The following CNOT6 variants were observed in gnomAD, a reference collection of about 807,000 sequenced individuals.
CNOT6 encodes the protein CCR4-NOT transcription complex subunit 6.
In CNOT6, 12 loss-of-function variants were observed where a neutral mutation model predicts 61.2. The ratio of observed to expected loss-of-function variants is 0.20; its 90% CI spans 0.13 to 0.32. CNOT6 has a LOEUF of 0.32. CNOT6 is among the 10% of genes least tolerant of loss of function. The probability of loss-of-function intolerance (pLI) is 1.00; values close to 1 mark genes in which losing one functional copy is unlikely to be tolerated. For synonymous variants in CNOT6, 225 were observed against 240.6 expected (o/e 0.94, Z 0.60); for missense variants, 405 against 663.9 (o/e 0.61, Z 4.28).
At chr5:180,520,849 T>C (rs1757851142) in intron 1 of CNOT6, among the ~76,000 whole-genome samples, 1 of 149,906 alleles carries the variant, frequency 6.7e-6, no homozygotes, top group South Asian at 2.1e-4. Context: ...TATTTTATTA[T>C]TTTTTTTTTT....
chr5:180,506,800 G>A (rs902573424), intron 1 of CNOT6, among the ~76,000 whole-genome samples: 1 of 152,076 alleles, frequency 6.6e-6, no homozygotes, highest in African/African-American at 2.4e-5. Context: ...TGCACTCTTA[G>A]AAAATGTTTG....
intron 4 of CNOT6, among the ~76,000 whole-genome samples, chr5:180,554,726 A>G (rs755655374): frequency 6.6e-6 from 1 of 152,200 alleles, no homozygotes; most frequent in African/African-American, 2.4e-5. Context: ...TGAAGAACAG[A>G]AAAGTACTGT....
At chr5:180,502,294 CTCTT>C (rs1240888073) in intron 1 of CNOT6, among the ~76,000 whole-genome samples, 20 of 152,264 alleles carry the variant, frequency 1.3e-4, no homozygotes, top group African/African-American at 4.8e-4. Context: ...ATAAAAAAAA[CTCTT>C]TCTCATTAGC....
chr5:180,534,464 G>A lies in CNOT6; in HGVS notation c.112+5076G>A, dbSNP rs142094564. On this transcript the variant is annotated intron_variant, in intron 2 of 11. Coordinates refer to ENST00000261951, the MANE Select transcript of CNOT6 (RefSeq NM_001370472.1). The stretch of plus-strand genomic sequence containing the variant: ...GCAGATCACACACGTAGCTGACAAA[G>A]TAGCAGCAAGTATCATTTCAGCCAC... 425 of 159,168 alleles carry A rather than the reference G, an allele frequency of 2.7e-3. 3 individuals carry two copies. Among genetic ancestry groups the A allele is most frequent in the African/African-American group, 9.9e-3 (412 of 41,818 alleles). 9.9% of individuals were successfully genotyped at this position (159,168 alleles called of 1,614,324 possible). A position where few individuals can be genotyped will look rare whatever the true frequency, so the allele number is the denominator to read the frequency against.
chr5:180,510,854 G>C lies in CNOT6; in HGVS notation c.-3+16091G>C, dbSNP rs145519904. On this transcript the variant is annotated intron_variant, in intron 1 of 11. Coordinates refer to ENST00000261951, the MANE Select transcript of CNOT6 (RefSeq NM_001370472.1). ...AGTCTCGCTCTCGTCACCCAGGCTG[G>C]AATGCAGTGGTGCCATCTCAGCTTA... Among the ~76,000 whole-genome samples the C allele has an allele frequency of 5.3e-3, 812 of 152,146 alleles. 3 individuals carry two copies. The highest frequency in any genetic ancestry group is 0.024 in the Middle Eastern group (7 of 294).
intron 2 of CNOT6, among the ~76,000 whole-genome samples, chr5:180,544,260 G>A (rs1451525945): frequency 6.6e-6 from 1 of 152,200 alleles, no homozygotes; most frequent in Admixed American, 6.5e-5. Flanking sequence ...TACCAGCATG[G>A]TGGATACTGA....
chr5:180,558,231 G>A (rs996213680), intron 4 of CNOT6, among the ~76,000 whole-genome samples: 41 of 152,142 alleles, frequency 2.7e-4, no homozygotes, highest in Non-Finnish European at 2.2e-4. Context: ...TCCACAGAGA[G>A]GAGAAAAGAA....
chr5:180,544,274 T>C (rs944172265), intron 2 of CNOT6, among the ~76,000 whole-genome samples: 11 of 152,220 alleles, frequency 7.2e-5, no homozygotes, highest in African/African-American at 2.7e-4. Context: ...ATACTGAAAA[T>C]TGACTGAATA....
chr5:180,510,096 T>G (rs1757316233), intron 1 of CNOT6, among the ~76,000 whole-genome samples: 1 of 146,038 alleles, frequency 6.8e-6, no homozygotes, highest in Non-Finnish European at 1.5e-5. Context: ...CATTTGCCAC[T>G]AAGGACAGCT....
intron 2 of CNOT6, among the ~76,000 whole-genome samples, chr5:180,547,171 A>T (rs1759354381): frequency 6.6e-6 from 1 of 152,026 alleles, no homozygotes; most frequent in South Asian, 2.1e-4. Context: ...CATTTTTGGA[A>T]GCTATTTTTG....
At chr5:180,570,621 C>T (rs1375533534) in intron 10 of CNOT6, among the ~76,000 whole-genome samples, 2 of 152,142 alleles carry the variant, frequency 1.3e-5, no homozygotes, top group African/African-American at 4.8e-5. Flanking sequence ...TTGAGAAATA[C>T]AGTATTATAA....
intron 3 of CNOT6, among the ~76,000 whole-genome samples, chr5:180,552,487 A>C (rs1759664150): frequency 6.7e-6 from 1 of 148,642 alleles, no homozygotes; most frequent in South Asian, 2.1e-4. Flanking sequence ...TAAAAATACA[A>C]AAAAAAAAAT....
chr5:180,558,455 C>G (rs1202261500), intron 4 of CNOT6, among the ~76,000 whole-genome samples: 1 of 150,448 alleles, frequency 6.6e-6, no homozygotes, highest in East Asian at 1.9e-4. Flanking sequence ...GGCCTGGTAT[C>G]TAGTGCTTTC....
In CNOT6 at chr5:180,576,471, T is replaced by C. The variant is rs1289851245; in HGVS notation, c.*2271T>C. The stretch of plus-strand genomic sequence containing the variant: ...AAAATGTCTTCATCTGTATTTGTTA[T>C]TGTCTACAATATATTTGAATTTGGG... On this transcript the variant is annotated 3_prime_UTR_variant, in exon 12 of 12. Transcript: ENST00000261951. 2.6e-5 allele frequency: 4 copies of C among 152,688 alleles called. No homozygotes were observed. The highest frequency in any genetic ancestry group is 9.6e-5 in the African/African-American group (4 of 41,476). 9.5% of individuals were successfully genotyped at this position (152,688 alleles called of 1,614,324 possible). A position where few individuals can be genotyped will look rare whatever the true frequency, so the allele number is the denominator to read the frequency against.
intron 2 of CNOT6, among the ~76,000 whole-genome samples, chr5:180,543,453 T>C (rs1759144546): frequency 6.6e-6 from 1 of 152,242 alleles, no homozygotes; most frequent in Non-Finnish European, 1.5e-5. Context: ...CATCAGTGTA[T>C]GTAACTATTT....
chr5:180,566,798 A>G (rs1264613103), intron 7 of CNOT6, among the ~76,000 whole-genome samples: 1 of 151,684 alleles, frequency 6.6e-6, no homozygotes, highest in South Asian at 2.1e-4. Context: ...GATTACAGGC[A>G]TGCACCACCA....
At chr5:180,555,094 T>C (rs1044549106) in intron 4 of CNOT6, among the ~76,000 whole-genome samples, 1 of 151,856 alleles carries the variant, frequency 6.6e-6, no homozygotes, top group African/African-American at 2.4e-5. Flanking sequence ...GCAGCCTCCT[T>C]CTCCCTGGTT....
chr5:180,577,193 G>GTA lies in CNOT6; in HGVS notation c.*2994_*2995insAT, dbSNP rs1359910862. 1 of 152,232 alleles carries GTA rather than the reference G, an allele frequency of 6.6e-6. No homozygotes were observed. The highest frequency in any genetic ancestry group is 1.5e-5 in the Non-Finnish European group (1 of 67,968). The allele number at this position is 152,232 out of a possible 1,614,324, so 9.4% of individuals were successfully genotyped here. A position where few individuals can be genotyped will look rare whatever the true frequency, so the allele number is the denominator to read the frequency against. ...TGTGTGTGTGTGTGTGTGTGTGTGT[G>GTA]TGTTTAATATGATTTAGTGACAACC... On this transcript the variant is annotated 3_prime_UTR_variant, in exon 12 of 12. Coordinates refer to ENST00000261951, the MANE Select transcript of CNOT6 (RefSeq NM_001370472.1).
intron 1 of CNOT6, 77 bp from the exon 2 acceptor site, chr5:180,529,198 A>T (rs1758234795): frequency 6.1e-6 from 1 of 164,752 alleles, no homozygotes; most frequent in African/African-American, 4.6e-5. Flanking sequence ...ACTTCGTCTC[A>T]AAAAAAAAAA....
Sources: allele counts gnomAD v4.1 joint callset (sites outside exome capture counted in the v4.1 genomes callset), GRCh38; gene constraint gnomAD v4.1.1; transcripts MANE v1.5; gene names NCBI Gene and HGNC (gene_info 2026-07-23, HGNC 2026-07-21).